MAP4: variants seen among roughly 807,000 people sequenced by gnomAD.
The protein encoded by MAP4 is microtubule-associated protein 4.
Under a neutral mutation model 170.2 loss-of-function variants are expected in MAP4, and 76 were observed. The observed-to-expected ratio is 0.45, with a 90% CI of 0.37 to 0.54. The LOEUF (loss-of-function observed/expected upper bound fraction) is 0.54. Ranked by LOEUF, MAP4 falls within the 20% of genes least tolerant of loss-of-function variation. The pLI is 0.00. For synonymous variants in MAP4, 909 were observed against 994.5 expected (o/e 0.91, Z 1.62); for missense variants, 2,506 against 2,748.0 (o/e 0.91, Z 1.97).
At chr3:48,022,974 C>T (rs2100111325) in intron 1 of MAP4, among the ~76,000 whole-genome samples, 1 of 152,086 alleles carries the variant, frequency 6.6e-6, no homozygotes, top group Non-Finnish European at 1.5e-5. Flanking sequence ...GAAAAATGAA[C>T]ACAGCATCCT....
intron 10 of MAP4, among the ~76,000 whole-genome samples, chr3:47,893,775 A>T (rs12635062): frequency 0.012 from 1,710 of 147,768 alleles, 24 homozygotes; most frequent in African/African-American, 0.035. Flanking sequence ...TTTTTTTTTT[A>T]AAAAAAGGCC....
At chr3:47,984,634 C>T (rs898821867) in intron 2 of MAP4, among the ~76,000 whole-genome samples, 3 of 151,236 alleles carry the variant, frequency 2.0e-5, no homozygotes, top group African/African-American at 7.3e-5. Context: ...GAGTTCAAGA[C>T]CAGCCTGGGT....
intron 3 of MAP4, among the ~76,000 whole-genome samples, chr3:47,954,508 T>TG (rs1302679190): frequency 6.6e-6 from 1 of 152,218 alleles, no homozygotes; most frequent in Non-Finnish European, 1.5e-5. Flanking sequence ...AGAAAAGTTT[T>TG]GACCTCTCAT....
chr3:47,889,426 C>T (rs570087674), intron 10 of MAP4, among the ~76,000 whole-genome samples: 75 of 152,350 alleles, frequency 4.9e-4, no homozygotes, highest in African/African-American at 1.7e-3. Context: ...CACTGCCTCC[C>T]AGTCCTCCAA....
chr3:48,056,099 T>G (rs2100131158), intron 1 of MAP4, among the ~76,000 whole-genome samples: 2 of 145,258 alleles, frequency 1.4e-5, no homozygotes, highest in Admixed American at 6.7e-5. Flanking sequence ...AGCCACCCCG[T>G]CCGGGAGGGA....
chr3:48,020,528 T>G (rs973072244), upstream of MAP4, among the ~76,000 whole-genome samples: 1 of 152,148 alleles, frequency 6.6e-6, no homozygotes, highest in Non-Finnish European at 1.5e-5. Flanking sequence ...TAACAAGCAT[T>G]TTGTAGTCGT....
chr3:47,859,467 C>T (rs568238959), intron 17 of MAP4, among the ~76,000 whole-genome samples: 9 of 152,372 alleles, frequency 5.9e-5, no homozygotes, highest in East Asian at 1.9e-4. Context: ...TAACTACCCA[C>T]AATCCCCAGC....
At chr3:47,857,190 G>T (rs1003531260) in intron 18 of MAP4, among the ~76,000 whole-genome samples, 1 of 152,222 alleles carries the variant, frequency 6.6e-6, no homozygotes, top group Non-Finnish European at 1.5e-5. Flanking sequence ...CACACACACA[G>T]TAGGTACTCA....
chr3:48,039,979 G>A (rs1037017521), intron 1 of MAP4, among the ~76,000 whole-genome samples: 1 of 152,162 alleles, frequency 6.6e-6, no homozygotes, highest in Admixed American at 6.5e-5. Flanking sequence ...TGATATAAAT[G>A]AAAGGCATTT....
chr3:48,039,386 C>A, intron 1 of MAP4: 1 of 153,980 alleles, frequency 6.5e-6, no homozygotes, highest in South Asian at 1.9e-4. Flanking sequence ...ATAAAATCAC[C>A]ATGGTCGTCA....
intron 5 of MAP4, among the ~76,000 whole-genome samples, chr3:47,919,727 CTATATAA>C (rs1437853479): frequency 6.6e-6 from 1 of 152,058 alleles, no homozygotes; most frequent in Non-Finnish European, 1.5e-5. Flanking sequence ...TGGCTACTTT[CTATATAA>C]TATATAAAGG....
At chr3:48,045,339 A>C (rs749487769) in intron 1 of MAP4, among the ~76,000 whole-genome samples, 1 of 152,112 alleles carries the variant, frequency 6.6e-6, no homozygotes, top group Non-Finnish European at 1.5e-5. Flanking sequence ...AAGAACAGGA[A>C]AACTAATCAT....
Position 47,857,424 on chromosome 3 carries a change from C to G in MAP4, c.6583+7G>C, listed in dbSNP as rs1418442733. ...GAGACCCAGTGGGCAAGGGAGGCACCACTCACCAGGCTTGTGCTTGATGTT... is the reference window on the plus strand; with the variant it reads ...GAGACCCAGTGGGCAAGGGAGGCACGACTCACCAGGCTTGTGCTTGATGTT... On this transcript the variant is annotated splice_region_variant and intron_variant, in intron 18 of 20. Transcript: ENST00000683076. The G allele has an allele frequency of 5.0e-6, 8 of 1,613,174 alleles. No homozygotes were observed. Among genetic ancestry groups the G allele is most frequent in the Non-Finnish European group, 3.4e-6 (4 of 1,179,272 alleles).
intron 1 of MAP4, among the ~76,000 whole-genome samples, chr3:48,057,596 G>T (rs373064080): frequency 0.19 from 16,901 of 88,816 alleles, 1,250 homozygotes; most frequent in Middle Eastern, 0.36. Flanking sequence ...AAACACCCAA[G>T]AATTATCAAT....
intron 12 of MAP4, among the ~76,000 whole-genome samples, chr3:47,874,928 C>T (rs1370693711): frequency 1.3e-5 from 2 of 151,126 alleles, no homozygotes; most frequent in Non-Finnish European, 2.9e-5. Flanking sequence ...ACCTAAAGGC[C>T]CTTCTCAAAT....
intron 1 of MAP4, among the ~76,000 whole-genome samples, chr3:48,049,714 C>T (rs1470346420): frequency 4.0e-5 from 6 of 151,886 alleles, no homozygotes; most frequent in Non-Finnish European, 7.4e-5. Context: ...AGGCGGATCG[C>T]GACGTCAGGA....
chr3:47,892,114 G>T, intron 10 of MAP4: 2 of 1,536,146 alleles, frequency 1.3e-6, no homozygotes, highest in Non-Finnish European at 1.7e-6. Context: ...GGAACTCGGA[G>T]GTCTTCTGGT....
intron 17 of MAP4, among the ~76,000 whole-genome samples, chr3:47,860,253 A>T (rs1260253148): frequency 6.6e-6 from 1 of 152,234 alleles, no homozygotes; most frequent in Admixed American, 6.5e-5. Context: ...TCTGCCACCC[A>T]GGATGAAGTG....
At chr3:47,938,904 A>G (rs192699180) in intron 3 of MAP4, among the ~76,000 whole-genome samples, 1 of 152,376 alleles carries the variant, frequency 6.6e-6, no homozygotes, top group East Asian at 1.9e-4. Flanking sequence ...TAGGGCTTCA[A>G]CAACACAAAA....
Sources: gnomAD v4.1 joint callset for allele counts (sites outside exome capture counted in the v4.1 genomes callset) on GRCh38, gnomAD v4.1.1 for gene constraint, MANE v1.5 for transcripts, NCBI Gene and HGNC (gene_info 2026-07-23, HGNC 2026-07-21) for gene names.